Variants in SPSB4 observed in about 807,000 individuals in gnomAD.
SPSB4 encodes the protein SPRY domain-containing SOCS box protein 4.
In SPSB4, 21 loss-of-function variants were observed where a neutral mutation model predicts 20.9. That is an observed-to-expected ratio of 1.01 (90% CI 0.71 to 1.45). The LOEUF (loss-of-function observed/expected upper bound fraction) is 1.45. Ranked by LOEUF, SPSB4 falls within the 40% of genes most tolerant of loss-of-function variation. SPSB4 has a pLI of 0.00. For missense variants in SPSB4, 399 were observed against 399.2 expected, an observed-to-expected ratio of 1.00 and a Z score of 0.00; for synonymous variants, 207 against 183.8, an observed-to-expected ratio of 1.13 and a Z score of -1.02.
intron 2 of SPSB4, among the ~76,000 whole-genome samples, chr3:141,140,717 C>T (rs1401973039): frequency 2.0e-5 from 3 of 152,244 alleles, no homozygotes; most frequent in Admixed American, 6.5e-5. Context: ...AGTACCCGGC[C>T]GTGTGAGGTG....
chr3:141,124,421 A>C (rs542191296), intron 2 of SPSB4, among the ~76,000 whole-genome samples: 1 of 152,310 alleles, frequency 6.6e-6, no homozygotes, highest in African/African-American at 2.4e-5. Context: ...TCGTCTCATA[A>C]AACTCTCAGG....
At chr3:141,066,901 G>A in intron 2 of SPSB4, 103 bp downstream of exon 2, 1 of 1,199,660 alleles carries the variant, frequency 8.3e-7, no homozygotes, top group Non-Finnish European at 1.1e-6. Context: ...ATCCTGCAAT[G>A]TGGAGGAATG....
rs201841520 is a variant in SPSB4 at position 141,106,340 on chromosome 3, CCT to C, written c.694+39545_694+39546del. Among the ~76,000 whole-genome samples the C allele has an allele frequency of 9.7e-3, 1,475 of 152,240 alleles. 28 individuals are homozygous for C. The highest frequency in any genetic ancestry group is 0.034 in the African/African-American group (1,416 of 41,520). On this transcript the variant is annotated intron_variant, in intron 2 of 2. Coordinates refer to ENST00000310546, the MANE Select transcript of SPSB4 (RefSeq NM_080862.3). ...CCACTCCATGAAGGCAGCACCTCCT[CCT>C]CTAAGTGTGCACCTTGGCCTGGCCT...
intron 2 of SPSB4, among the ~76,000 whole-genome samples, chr3:141,126,997 C>G (rs922475): frequency 0.08 from 12,204 of 152,302 alleles, 805 homozygotes; most frequent in Admixed American, 0.23. Flanking sequence ...CTTCACTCCC[C>G]GCCCAACCCA....
intron 2 of SPSB4, among the ~76,000 whole-genome samples, chr3:141,091,759 A>G (rs1576527461): frequency 6.6e-6 from 1 of 152,346 alleles, no homozygotes; most frequent in Non-Finnish European, 1.5e-5. Flanking sequence ...TTCGCTCAGG[A>G]TAGCCCAATG....
At chr3:141,120,104 G>A (rs1290262827) in intron 2 of SPSB4, among the ~76,000 whole-genome samples, 1 of 152,036 alleles carries the variant, frequency 6.6e-6, no homozygotes, top group Non-Finnish European at 1.5e-5. Flanking sequence ...CAGAGATTCT[G>A]GTACATTCTG....
At chr3:141,110,976 C>T (rs929910495) in intron 2 of SPSB4, among the ~76,000 whole-genome samples, 2 of 152,162 alleles carry the variant, frequency 1.3e-5, no homozygotes, top group Non-Finnish European at 2.9e-5. Context: ...GAAACCTGTG[C>T]ATGTAACAAA....
At chr3:141,058,509 G>A (rs1157922800) in intron 1 of SPSB4, among the ~76,000 whole-genome samples, 1 of 152,202 alleles carries the variant, frequency 6.6e-6, no homozygotes, top group East Asian at 1.9e-4. Flanking sequence ...ACTGGGTTGA[G>A]AGATGATGGT....
At chr3:141,109,893 AG>A (rs1169277792) in intron 2 of SPSB4, among the ~76,000 whole-genome samples, 3 of 152,192 alleles carry the variant, frequency 2.0e-5, no homozygotes, top group African/African-American at 7.2e-5. Context: ...TGCTATTTAT[AG>A]CTCCTTAATC....
At chr3:141,072,005 C>T (rs1426962) in intron 2 of SPSB4, among the ~76,000 whole-genome samples, 47,885 of 152,136 alleles carry the variant, frequency 0.31, 11,424 homozygotes, top group African/African-American at 0.67. Flanking sequence ...GCTAGACCCC[C>T]GTGCATCTCC....
rs1184569380 is a variant in SPSB4 at position 141,066,736 on chromosome 3, C to T, written c.632C>T (p.Pro211Leu). 4.4e-6 allele frequency: 7 copies of T among 1,604,228 alleles called. No individual in the cohort carries two copies. The highest frequency in any genetic ancestry group is 5.1e-6 in the Non-Finnish European group (6 of 1,175,218). ...GGTCTCAAGGGCAAGAAGCTGTACC[C>T]GGTGGTGAGTGCCGTGTGGGGCCAC... ...FRGLKGKKLY[P>L]VVSAVWGHCE... The change falls in exon 2 of 3, where the codon CCG (proline) becomes CTG (leucine). Residue 211 changes from proline to leucine, a missense_variant. Physicochemically the swap from Pro to Leu is moderately conservative, Grantham distance 98 (BLOSUM62 -3). Transcript: ENST00000310546.
intron 2 of SPSB4, chr3:141,076,866 A>G (rs1938120885): frequency 6.6e-6 from 1 of 152,238 alleles, no homozygotes; most frequent in South Asian, 2.1e-4. Flanking sequence ...CAGTACAGCA[A>G]ACTGCATTCA....
chr3:141,088,455 A>C (rs753914540), intron 2 of SPSB4, among the ~76,000 whole-genome samples: 3 of 152,220 alleles, frequency 2.0e-5, no homozygotes, highest in Non-Finnish European at 4.4e-5. Context: ...CCCACTTCCT[A>C]GCAGACTCTT....
At chr3:141,127,692 C>T (rs971780654) in intron 2 of SPSB4, among the ~76,000 whole-genome samples, 4 of 152,190 alleles carry the variant, frequency 2.6e-5, no homozygotes, top group African/African-American at 7.2e-5. Flanking sequence ...TCAGCCATCA[C>T]GCCAAGCCAT....
At chr3:141,111,046 C>T (rs1006955451) in intron 2 of SPSB4, among the ~76,000 whole-genome samples, 13 of 152,228 alleles carry the variant, frequency 8.5e-5, no homozygotes, top group Admixed American at 5.9e-4. Flanking sequence ...CTCCAGTATT[C>T]ACCAGCTATG....
At chr3:141,116,503 A>T (rs1261331900) in intron 2 of SPSB4, among the ~76,000 whole-genome samples, 4 of 152,168 alleles carry the variant, frequency 2.6e-5, no homozygotes, top group African/African-American at 7.2e-5. Context: ...CCATCATCCC[A>T]CTTCTTCATG....
intron 1 of SPSB4, among the ~76,000 whole-genome samples, chr3:141,060,174 A>T (rs1937734646): frequency 6.6e-6 from 1 of 152,160 alleles, no homozygotes; most frequent in African/African-American, 2.4e-5. Flanking sequence ...TATGATTGCA[A>T]AGGAGAGCAC....
rs572507214 is a variant in SPSB4, at chr3:141,123,628, C to T, written c.695-23514C>T. ...CCCATTCCTGAGGACTTCACCCTGCCCTGGATGAAATTAGCACCAACTGTC... is the reference window on the plus strand; with the variant it reads ...CCCATTCCTGAGGACTTCACCCTGCTCTGGATGAAATTAGCACCAACTGTC... On this transcript the variant is annotated intron_variant, in intron 2 of 2. Coordinates refer to ENST00000310546, the MANE Select transcript of SPSB4 (RefSeq NM_080862.3). Among the ~76,000 whole-genome samples, 4 of 152,318 alleles carry T rather than the reference C, an allele frequency of 2.6e-5. No individual in the cohort carries two copies. The East Asian group carries it at 7.7e-4, about 29-fold the overall frequency.
Position 141,076,167 on chromosome 3 carries a change from C to G in SPSB4, c.694+9369C>G, listed in dbSNP as rs532260280. Among the ~76,000 whole-genome samples the G allele has an allele frequency of 5.9e-5, 9 of 152,372 alleles. No individual in the cohort carries two copies. The South Asian group carries it at 1.9e-3, about 32-fold the overall frequency. On this transcript the variant is annotated intron_variant, in intron 2 of 2. Coordinates refer to ENST00000310546, the MANE Select transcript of SPSB4 (RefSeq NM_080862.3). Reference sequence around the variant, plus strand: ...CCCACTTCCCTGATTCCAGCTCAGCCTGGGGTTACCGAGCCTGGCTCTGCC... The same window carrying G: ...CCCACTTCCCTGATTCCAGCTCAGCGTGGGGTTACCGAGCCTGGCTCTGCC...
Sources: allele counts gnomAD v4.1 joint callset (sites outside exome capture counted in the v4.1 genomes callset), GRCh38; gene constraint gnomAD v4.1.1; transcripts MANE v1.5; gene names NCBI Gene and HGNC (gene_info 2026-07-23, HGNC 2026-07-21).